The following UBE2D2 variants were observed in gnomAD, a reference collection of about 807,000 sequenced individuals.
UBE2D2 encodes ubiquitin-conjugating enzyme E2 D2.
Under a neutral mutation model 24.2 loss-of-function variants are expected in UBE2D2, and 2 were observed. The observed-to-expected ratio is 0.08, with a 90% CI of 0.03 to 0.26. The LOEUF (loss-of-function observed/expected upper bound fraction) is 0.26. Among genes scored for constraint, UBE2D2 ranks in the 10% least tolerant of loss-of-function variants. The pLI, the probability that UBE2D2 is intolerant of heterozygous loss-of-function variation, is 1.00. For missense variants in UBE2D2, 44 were observed against 177.6 expected, an observed-to-expected ratio of 0.25 and a Z score of 4.28; for synonymous variants, 58 against 56.5, an observed-to-expected ratio of 1.03 and a Z score of -0.12.
At chr5:139,601,093 A>G (rs1453863577) in intron 2 of UBE2D2, among the ~76,000 whole-genome samples, 1 of 152,182 alleles carries the variant, frequency 6.6e-6, no homozygotes, top group Non-Finnish European at 1.5e-5. Context: ...ATGAACCACC[A>G]CACCTGGCCA....
Position 139,587,364 on chromosome 5 carries a change from G to A in UBE2D2, c.25-13008G>A, listed in dbSNP as rs189414898. On this transcript the variant is annotated intron_variant, in intron 1 of 6. Transcript: ENST00000398733. ...GCAGCAAACAGTAGTGGTGGAAAGC[G>A]AGCGAAAGCTCAGCTCAAGCCATAA... is the stretch of plus-strand genomic sequence containing the variant. Among the ~76,000 whole-genome samples the A allele has an allele frequency of 3.9e-3, 600 of 152,212 alleles. 5 individuals carry two copies. Among genetic ancestry groups the A allele is most frequent in the Middle Eastern group, 0.031 (9 of 294 alleles).
upstream of UBE2D2, chr5:139,526,388 G>A (rs926292115): frequency 7.9e-5 from 12 of 152,298 alleles, no homozygotes; most frequent in Admixed American, 5.2e-4. Flanking sequence ...ACTGACAGAC[G>A]GCCGAGGCAG....
intron 1 of UBE2D2, among the ~76,000 whole-genome samples, chr5:139,541,059 AG>A (rs542327112): frequency 1.5e-3 from 226 of 151,766 alleles, no homozygotes; most frequent in Non-Finnish European, 2.9e-3. Flanking sequence ...ACCCTTTGGG[AG>A]GCTAAGGCGG....
At chr5:139,527,016 A>AG (rs1420899867) in intron 1 of UBE2D2, among the ~76,000 whole-genome samples, 1 of 152,158 alleles carries the variant, frequency 6.6e-6, no homozygotes, top group African/African-American at 2.4e-5. Context: ...GAAGAAAAAA[A>AG]TATGGGTCAG....
intron 1 of UBE2D2, among the ~76,000 whole-genome samples, chr5:139,591,830 C>T (rs1250146453): frequency 6.6e-6 from 1 of 152,144 alleles, no homozygotes; most frequent in Non-Finnish European, 1.5e-5. Context: ...TCTGTTGCAA[C>T]CCTAGTTAAG....
At chr5:139,625,440 C>CTTT (rs35630520) in intron 6 of UBE2D2, among the ~76,000 whole-genome samples, 17 of 5,262 alleles carry the variant, frequency 3.2e-3, no homozygotes, top group South Asian at 0.013. Flanking sequence ...ACCCCCCCCC[C>CTTT]TTTTTTTTTT....
intron 2 of UBE2D2, among the ~76,000 whole-genome samples, chr5:139,610,433 C>CA (rs905750649): frequency 6.6e-6 from 1 of 151,894 alleles, no homozygotes; most frequent in Non-Finnish European, 1.5e-5. Flanking sequence ...CCCAGCTACT[C>CA]AGGAGGCTGA....
chr5:139,537,426 T>C (rs904066121), intron 1 of UBE2D2, among the ~76,000 whole-genome samples: 7 of 152,030 alleles, frequency 4.6e-5, no homozygotes, highest in Non-Finnish European at 5.9e-5. Context: ...TTCAATCGAT[T>C]TTAGTATATT....
intron 1 of UBE2D2, among the ~76,000 whole-genome samples, chr5:139,550,774 A>C (rs1361456796): frequency 1.3e-5 from 2 of 152,080 alleles, no homozygotes; most frequent in Admixed American, 1.3e-4. Flanking sequence ...GAAAGTCTGC[A>C]GCTTCACTCC....
intron 1 of UBE2D2, among the ~76,000 whole-genome samples, chr5:139,599,288 TC>T (rs1754021887): frequency 6.6e-6 from 1 of 152,024 alleles, no homozygotes; most frequent in African/African-American, 2.4e-5. Context: ...GTAGTGGACT[TC>T]CACTGAAAGC....
upstream of UBE2D2, among the ~76,000 whole-genome samples, chr5:139,556,176 C>T (rs573420707): frequency 4.6e-5 from 7 of 151,050 alleles, no homozygotes; most frequent in African/African-American, 1.5e-4. Context: ...GTAGAGATTG[C>T]GGTGAGCTGA....
intron 1 of UBE2D2, among the ~76,000 whole-genome samples, chr5:139,568,808 T>A (rs1488761729): frequency 1.3e-5 from 2 of 152,054 alleles, no homozygotes; most frequent in African/African-American, 4.8e-5. Context: ...CTGTCTCTAC[T>A]AAAAATATAA....
chr5:139,577,064 A>G (rs1050615535), intron 1 of UBE2D2, among the ~76,000 whole-genome samples: 10 of 148,084 alleles, frequency 6.8e-5, no homozygotes, highest in Admixed American at 1.4e-4. Flanking sequence ...TTATGTGACT[A>G]TTGATCTACC....
intron 1 of UBE2D2, among the ~76,000 whole-genome samples, chr5:139,541,599 CAAAAAA>C (rs892398676): frequency 1.7e-5 from 1 of 58,458 alleles, no homozygotes; most frequent in Admixed American, 2.1e-4. Context: ...GACTCCATTT[CAAAAAA>C]AAAAAAAAAA....
intron 1 of UBE2D2, among the ~76,000 whole-genome samples, chr5:139,580,133 A>G (rs2126664282): frequency 6.6e-6 from 1 of 151,846 alleles, no homozygotes; most frequent in South Asian, 2.1e-4. Flanking sequence ...CACTCTTGTC[A>G]CCCAGCATTG....
chr5:139,553,061 C>T (rs765896955), intron 1 of UBE2D2, among the ~76,000 whole-genome samples: 5 of 152,042 alleles, frequency 3.3e-5, no homozygotes, highest in South Asian at 2.1e-4. Flanking sequence ...TCAGGTGATC[C>T]GCCCGCCTTG....
intron 1 of UBE2D2, among the ~76,000 whole-genome samples, chr5:139,567,637 C>T (rs1263205906): frequency 6.6e-6 from 1 of 150,976 alleles, no homozygotes; most frequent in Non-Finnish European, 1.5e-5. Flanking sequence ...GGGTTCACGC[C>T]ATTCTCCTGC....
upstream of UBE2D2, among the ~76,000 whole-genome samples, chr5:139,559,082 T>C (rs1295498650): frequency 6.6e-6 from 1 of 151,956 alleles, no homozygotes; most frequent in Non-Finnish European, 1.5e-5. Context: ...ATTACAGGCG[T>C]GTCCAGGAGC....
At chr5:139,532,706 C>T (rs1196130366) in intron 1 of UBE2D2, among the ~76,000 whole-genome samples, 2 of 151,908 alleles carry the variant, frequency 1.3e-5, no homozygotes, top group Non-Finnish European at 2.9e-5. Flanking sequence ...ACATTGGTCT[C>T]GAACTCCTGA....
Sources: allele counts gnomAD v4.1 joint callset (sites outside exome capture counted in the v4.1 genomes callset), GRCh38; gene constraint gnomAD v4.1.1; transcripts MANE v1.5; gene names NCBI Gene and HGNC (gene_info 2026-07-23, HGNC 2026-07-21).